Variants in PNPLA7 observed in about 807,000 individuals in gnomAD.
The protein encoded by PNPLA7 is patatin-like phospholipase domain-containing protein 7.
A neutral mutation model predicts 161.7 loss-of-function variants in PNPLA7; 153 were observed. That is an observed-to-expected ratio of 0.95 (90% confidence interval 0.83 to 1.08). The LOEUF is 1.08. Ranked by LOEUF, PNPLA7 falls within the 50% of genes least tolerant of loss-of-function variation. PNPLA7 has a pLI of 0.00. For missense variants in PNPLA7, 1,739 were observed against 1,856.6 expected, an observed-to-expected ratio of 0.94 and a Z score of 1.16; for synonymous variants, 809 against 782.1, an observed-to-expected ratio of 1.03 and a Z score of -0.57.
At position 137,463,403 on chromosome 9, in the gene PNPLA7, C is replaced by T. The variant is rs763457902; in HGVS notation, c.3343+12G>A. The T allele has an allele frequency of 6.9e-6, 11 of 1,595,542 alleles. No homozygotes were observed. The highest frequency in any genetic ancestry group is 9.4e-6 in the Non-Finnish European group (11 of 1,170,034). ...TGTGCTCCTGCCGGGCGTGGTCCCC[C>T]CACCGCAGTACCTGGGAGGTTGTTG... On this transcript the variant is annotated intron_variant, in intron 29 of 34. Coordinates refer to ENST00000406427, the MANE Select transcript of PNPLA7 (RefSeq NM_001098537.3).
intron 14 of PNPLA7, 38 bp from the exon 15 acceptor site, chr9:137,501,765 A>G: frequency 1.3e-6 from 2 of 1,596,216 alleles, no homozygotes; most frequent in Non-Finnish European, 8.6e-7. Flanking sequence ...ACGGGCGGGA[A>G]GCATAAATGA....
In PNPLA7 at chr9:137,462,284, G is replaced by A. The variant is rs200346070; in HGVS notation, c.3540C>T (p.Cys1180=). 1.7e-4 allele frequency: 279 copies of A among 1,611,762 alleles called. No individual in the cohort carries two copies. The highest frequency in any genetic ancestry group is 8.3e-4 in the Middle Eastern group (5 of 6,052). ...TCTTCACCACCTCCAGCTGCCGCAC[G>A]CAACACACGTAGGCCAGGCGCGTCT... The part of the protein sequence containing the change: ...EIQTRLAYVC[C]VRQLEVVKSS... Residue 1180 remains cysteine (C), a synonymous_variant, in exon 31 of 35, where the codon TGC becomes TGT. Coordinates refer to ENST00000406427, the MANE Select transcript of PNPLA7 (RefSeq NM_001098537.3).
chr9:137,491,400 A>G (rs1832756023), intron 20 of PNPLA7: 1 of 829,126 alleles, frequency 1.2e-6, no homozygotes. Flanking sequence ...CAAAAGATAA[A>G]GATTGTCAGA....
Position 137,462,688 on chromosome 9 carries a change from G to C in PNPLA7, c.3489C>G (p.Val1163=). ...WKRWNPLATK[V]KVLNMAEIQT... The stretch of plus-strand genomic sequence containing the variant: ...AGCCTGCCCGGTAGCACCCCACCTT[G>C]ACTTTCGTGGCCAAGGGGTTCCAGC... The change falls in exon 30 of 35, where the codon GTC becomes GTG. Residue 1163 remains valine, a synonymous_variant. Coordinates refer to ENST00000406427, the MANE Select transcript of PNPLA7 (RefSeq NM_001098537.3). The C allele has an allele frequency of 6.2e-7, 1 of 1,613,708 alleles. No homozygotes were observed. The highest frequency in any genetic ancestry group is 8.5e-7 in the Non-Finnish European group (1 of 1,179,906).
intron 21 of PNPLA7, among the ~76,000 whole-genome samples, chr9:137,484,238 A>G (rs1832357736): frequency 6.6e-6 from 1 of 152,130 alleles, no homozygotes; most frequent in Non-Finnish European, 1.5e-5. Context: ...TTATTGCATT[A>G]TTTTGCCAAG....
chr9:137,463,083 C>G (rs908207301), intron 29 of PNPLA7: 2 of 607,164 alleles, frequency 3.3e-6, no homozygotes, highest in Non-Finnish European at 5.7e-6. Flanking sequence ...CCAGCAAGCT[C>G]GACACCTGCA....
chr9:137,468,448 G>T lies in PNPLA7; in HGVS notation c.2883-975C>A, dbSNP rs1458626920. Among the ~76,000 whole-genome samples, 1 of 152,226 alleles carries T rather than the reference G, an allele frequency of 6.6e-6. No homozygotes were observed. The highest frequency in any genetic ancestry group is 1.5e-5 in the Non-Finnish European group (1 of 68,044). ...CTTAAAGTGTGCAGGGAGCCAAAAGGTGGCAACAGCTGATGAATGGGTACA... is the reference window on the plus strand; with the variant it reads ...CTTAAAGTGTGCAGGGAGCCAAAAGTTGGCAACAGCTGATGAATGGGTACA... On this transcript the variant is annotated intron_variant, in intron 25 of 34. Coordinates refer to ENST00000406427, the MANE Select transcript of PNPLA7 (RefSeq NM_001098537.3). The surrounding 1 kb of genome is among the most constrained non-coding windows in gnomAD (Gnocchi z 4.0).
At chr9:137,508,587 A>G (rs1834042024) in intron 12 of PNPLA7, among the ~76,000 whole-genome samples, 1 of 152,170 alleles carries the variant, frequency 6.6e-6, no homozygotes, top group Non-Finnish European at 1.5e-5. Flanking sequence ...AGAAAAGGAA[A>G]AAGAAAAAAG....
intron 18 of PNPLA7, 88 bp downstream of exon 18, chr9:137,497,099 A>G: frequency 1.5e-6 from 2 of 1,317,544 alleles, no homozygotes; most frequent in Non-Finnish European, 1.9e-6. Context: ...CTCCCAAGTA[A>G]CTGGCCAGGC....
Position 137,467,521 on chromosome 9 carries a change from C to G in PNPLA7, c.2883-48G>C. The G allele has an allele frequency of 6.3e-7, 1 of 1,598,436 alleles. No homozygotes were observed. The highest frequency in any genetic ancestry group is 8.5e-7 in the Non-Finnish European group (1 of 1,172,458). On this transcript the variant is annotated intron_variant, in intron 25 of 34. Transcript: ENST00000406427. The surrounding 1 kb of genome is among the most constrained non-coding windows in gnomAD (Gnocchi z 5.1). ...GCAAGGAGTGAGTACCAGGCCCAGGCTGCGCCCTGCAGAGGCCTTGTGCTC... is the reference window on the plus strand; with the variant it reads ...GCAAGGAGTGAGTACCAGGCCCAGGGTGCGCCCTGCAGAGGCCTTGTGCTC...
rs1835964212 is a variant in PNPLA7, at chr9:137,537,643, C to T, written c.747+2999G>A. 6.6e-6 allele frequency among the ~76,000 whole-genome samples: 1 copy of T among 152,144 alleles called. No homozygotes were observed. The highest frequency in any genetic ancestry group is 1.5e-5 in the Non-Finnish European group (1 of 68,040). ...CACCTCCCATTTTTTACTCCCACTA[C>T]ACTCAGGGAAGATCCATTCCCACCC... is the stretch of plus-strand genomic sequence containing the variant. On this transcript the variant is annotated intron_variant, in intron 8 of 34. Coordinates refer to ENST00000406427, the MANE Select transcript of PNPLA7 (RefSeq NM_001098537.3). The surrounding 1 kb of genome is among the most constrained non-coding windows in gnomAD (Gnocchi z 4.5).
chr9:137,461,178 G>A (rs1831173406), intron 33 of PNPLA7: 1 of 345,950 alleles, frequency 2.9e-6, no homozygotes, highest in South Asian at 3.7e-5. Flanking sequence ...AGCATGGAGG[G>A]TAGTGGACCC....
At chr9:137,496,814 G>C (rs1833085828) in intron 18 of PNPLA7, among the ~76,000 whole-genome samples, 1 of 152,220 alleles carries the variant, frequency 6.6e-6, no homozygotes, top group African/African-American at 2.4e-5. Context: ...CAGGATGCAG[G>C]GGCCTGCTGT....
At chr9:137,503,465 A>G (rs1341180463) in intron 14 of PNPLA7, among the ~76,000 whole-genome samples, 1 of 100,450 alleles carries the variant, frequency 1.0e-5, no homozygotes, top group African/African-American at 4.0e-5. Flanking sequence ...AGGAGGGGGA[A>G]GGAGAAGGAG....
chr9:137,516,585 G>C, intron 11 of PNPLA7: 2 of 930,880 alleles, frequency 2.1e-6, no homozygotes, highest in Non-Finnish European at 1.3e-6. Context: ...AAGGTGGGAG[G>C]ATCACTTGAG....
At position 137,499,442 on chromosome 9, in the gene PNPLA7, C is replaced by T. The variant is rs1307691317; in HGVS notation, c.1758-1197G>A. On this transcript the variant is annotated intron_variant, in intron 16 of 34. Transcript: ENST00000406427. This position sits in a 1 kb window ranked among gnomAD's most constrained non-coding sequence, Gnocchi z 5.5. ...GCCCTGGGTGGTTCCTGTCCCTGCT[C>T]TTCGCCATCCGTCCTGATCTCCCTG... Among the ~76,000 whole-genome samples the T allele has an allele frequency of 6.6e-6, 1 of 152,230 alleles. No individual in the cohort carries two copies. The highest frequency in any genetic ancestry group is 2.4e-5 in the African/African-American group (1 of 41,452).
chr9:137,529,429 T>G (rs966734559), intron 8 of PNPLA7, among the ~76,000 whole-genome samples: 7 of 152,234 alleles, frequency 4.6e-5, no homozygotes, highest in African/African-American at 1.7e-4. Context: ...TTGTATCCAC[T>G]GTGATCATTT....
intron 22 of PNPLA7, 100 bp from the exon 23 acceptor site, chr9:137,480,580 C>CGGCTGG: frequency 7.5e-7 from 1 of 1,335,240 alleles, no homozygotes; most frequent in Non-Finnish European, 1.0e-6. Context: ...GCACCAGCCG[C>CGGCTGG]TGCCCCTTCC....
In PNPLA7 at chr9:137,547,746, T is replaced by C. The variant is rs2132669744; in HGVS notation, c.31-87A>G. The C allele has an allele frequency of 1.5e-6, 2 of 1,293,426 alleles. No individual in the cohort carries two copies. The highest frequency in any genetic ancestry group is 2.3e-5 in the East Asian group (1 of 43,302). 80.1% of individuals were successfully genotyped at this position (1,293,426 alleles called of 1,614,324 possible). A position where few individuals can be genotyped will look rare whatever the true frequency, so the allele number is the denominator to read the frequency against. On this transcript the variant is annotated intron_variant, in intron 1 of 34. Coordinates refer to ENST00000406427, the MANE Select transcript of PNPLA7 (RefSeq NM_001098537.3). The surrounding 1 kb of genome is among the most constrained non-coding windows in gnomAD (Gnocchi z 4.6). ...GAGCAGCAGGAGGAGAGCTGGGAGT[T>C]AGGGGAGAAGTCAGCAGCCCTGGAG...
Sources: allele counts gnomAD v4.1 joint callset (sites outside exome capture counted in the v4.1 genomes callset), GRCh38; gene constraint gnomAD v4.1.1; non-coding constraint Gnocchi (gnomAD v3.1); transcripts MANE v1.5; gene names NCBI Gene and HGNC (gene_info 2026-07-23, HGNC 2026-07-21).